Variants in MAPK10 observed in about 807,000 individuals in gnomAD.
The protein encoded by MAPK10 is JNK3 alpha protein kinase.
In MAPK10, 25 loss-of-function variants were observed where a neutral mutation model predicts 59.3. The ratio of observed to expected loss-of-function variants is 0.42; its 90% CI spans 0.31 to 0.59. The LOEUF (loss-of-function observed/expected upper bound fraction) is 0.59. Ranked by LOEUF, MAPK10 falls within the 20% of genes least tolerant of loss-of-function variation. The pLI, the probability that MAPK10 is intolerant of heterozygous loss-of-function variation, is 0.15. For missense variants in MAPK10, 351 were observed against 568.9 expected, an observed-to-expected ratio of 0.62 and a Z score of 3.90; for synonymous variants, 190 against 200.5, an observed-to-expected ratio of 0.95 and a Z score of 0.44.
At chr4:86,527,055 T>TC in intron 1 of MAPK10, among the ~76,000 whole-genome samples, 1 of 152,176 alleles carries the variant, frequency 6.6e-6, no homozygotes, top group South Asian at 2.1e-4. Context: ...ATGCCTATAG[T>TC]CCCAGCATTT....
At chr4:86,209,380 A>G (rs1384788861) in intron 2 of MAPK10, among the ~76,000 whole-genome samples, 2 of 152,132 alleles carry the variant, frequency 1.3e-5, no homozygotes, top group Non-Finnish European at 2.9e-5. Context: ...CTCCCTACCT[A>G]GACAACAATT....
intron 2 of MAPK10, among the ~76,000 whole-genome samples, chr4:86,229,620 A>G (rs925506222): frequency 1.4e-4 from 22 of 152,188 alleles, no homozygotes; most frequent in African/African-American, 5.3e-4. Context: ...ATGCAGGAAA[A>G]CAACTGGCTT....
chr4:86,034,528 A>T (rs1227892750), intron 11 of MAPK10, among the ~76,000 whole-genome samples: 1 of 152,220 alleles, frequency 6.6e-6, no homozygotes, highest in African/African-American at 2.4e-5. Context: ...TTATTTCTTT[A>T]TTAAATGTAT....
At chr4:86,420,593 G>T (rs1746397995) in intron 1 of MAPK10, among the ~76,000 whole-genome samples, 1 of 152,024 alleles carries the variant, frequency 6.6e-6, no homozygotes, top group Non-Finnish European at 1.5e-5. Flanking sequence ...TTTGAGACAA[G>T]CCTGTGCAGT....
At chr4:86,346,733 GAAAA>G (rs3030114) in intron 2 of MAPK10, among the ~76,000 whole-genome samples, 28,333 of 138,450 alleles carry the variant, frequency 0.2, 2,920 homozygotes, top group African/African-American at 0.3. Flanking sequence ...AGTTTGTTTG[GAAAA>G]AAAAAAAAAA....
At chr4:86,320,361 G>A (rs898165532) in intron 2 of MAPK10, among the ~76,000 whole-genome samples, 1 of 152,166 alleles carries the variant, frequency 6.6e-6, no homozygotes, top group Non-Finnish European at 1.5e-5. Context: ...CTTAATGAGA[G>A]CCTGCAGTGA....
chr4:86,359,534 C>A (rs1314094647), intron 1 of MAPK10, 124 bp downstream of exon 1: 4 of 269,068 alleles, frequency 1.5e-5, no homozygotes, highest in Non-Finnish European at 2.3e-5. Context: ...GATTAACCTG[C>A]TTTCCACCCC....
chr4:86,529,365 T>C (rs1160768653), intron 1 of MAPK10, among the ~76,000 whole-genome samples: 1 of 152,160 alleles, frequency 6.6e-6, no homozygotes, highest in African/African-American at 2.4e-5. Context: ...TGCAGGCATG[T>C]GAGGACTTTA....
At chr4:86,228,985 C>T (rs1022537965) in intron 2 of MAPK10, among the ~76,000 whole-genome samples, 1 of 152,112 alleles carries the variant, frequency 6.6e-6, no homozygotes, top group African/African-American at 2.4e-5. Flanking sequence ...CTACAAGTCT[C>T]TAAATGTATC....
At chr4:86,534,625 G>A (rs932125100) in intron 1 of MAPK10, among the ~76,000 whole-genome samples, 5 of 152,040 alleles carry the variant, frequency 3.3e-5, no homozygotes, top group African/African-American at 9.7e-5. Context: ...CAAAAATCAG[G>A]CCATGAGTCA....
rs1413725847 is a variant in MAPK10 at position 86,172,029 on chromosome 4, A to G, written c.67-12562T>C. Among the ~76,000 whole-genome samples, 30 of 141,644 alleles carry G rather than the reference A, an allele frequency of 2.1e-4. No individual in the cohort carries two copies. In the Middle Eastern group the frequency reaches 0.01, roughly 49 times the overall value. The allele number at this position is 141,644 out of a possible 152,430, so 92.9% of individuals were successfully genotyped here. On this transcript the variant is annotated intron_variant, in intron 3 of 13. Transcript: ENST00000641462. Reference sequence around the variant, plus strand: ...CAAATCAAAACCACAATGAGATACCATCTCACACCAGTTAGAATGGCAATC... The same window carrying G: ...CAAATCAAAACCACAATGAGATACCGTCTCACACCAGTTAGAATGGCAATC...
chr4:86,011,082 G>A lies in MAPK10; in HGVS notation c.*6146C>T, dbSNP rs1290515475. ...TGACATAAGGTAGAAAATTTCAAAG[G>A]AGTGTTTGACTTGTTGCTGGATGTG... On this transcript the variant is annotated 3_prime_UTR_variant, in exon 14 of 14. Coordinates refer to ENST00000641462, the MANE Select transcript of MAPK10 (RefSeq NM_138982.4). 6.6e-6 allele frequency: 1 copy of A among 152,192 alleles called. No individual in the cohort carries two copies. Among genetic ancestry groups the A allele is most frequent in the Non-Finnish European group, 1.5e-5 (1 of 68,034 alleles). The allele number at this position is 152,192 out of a possible 1,614,324, so 9.4% of individuals were successfully genotyped here. A position where few individuals can be genotyped will look rare whatever the true frequency, so the allele number is the denominator to read the frequency against.
intron 2 of MAPK10, among the ~76,000 whole-genome samples, chr4:86,265,075 G>A (rs1285445711): frequency 6.6e-6 from 1 of 151,754 alleles, no homozygotes; most frequent in African/African-American, 2.4e-5. Context: ...ATTTTTGGTA[G>A]AGACAGGGTT....
chr4:86,104,605 C>T (rs2056205522), intron 5 of MAPK10, among the ~76,000 whole-genome samples: 1 of 152,040 alleles, frequency 6.6e-6, no homozygotes. Context: ...GTATACAGCA[C>T]ACATTACATC....
At chr4:86,518,807 G>A (rs1048023085) in intron 1 of MAPK10, among the ~76,000 whole-genome samples, 43 of 151,918 alleles carry the variant, frequency 2.8e-4, no homozygotes, top group African/African-American at 9.9e-4. Context: ...GTTTTGATAG[G>A]CTGTGTCACT....
At chr4:86,334,030 C>T (rs1564473564) in intron 2 of MAPK10, among the ~76,000 whole-genome samples, 1 of 152,142 alleles carries the variant, frequency 6.6e-6, no homozygotes, top group Non-Finnish European at 1.5e-5. Context: ...ACCATAACCT[C>T]CAGCCCATGC....
intron 2 of MAPK10, among the ~76,000 whole-genome samples, chr4:86,323,876 A>T (rs2095958952): frequency 6.6e-6 from 1 of 152,272 alleles, no homozygotes; most frequent in Non-Finnish European, 1.5e-5. Flanking sequence ...TCTACTTACA[A>T]GAAATTCAAG....
chr4:86,421,031 G>A (rs768163134), intron 1 of MAPK10, among the ~76,000 whole-genome samples: 15 of 151,868 alleles, frequency 9.9e-5, no homozygotes, highest in Non-Finnish European at 1.3e-4. Context: ...GCAGTGAGCC[G>A]AGAGCATGCC....
At chr4:86,174,241 T>C (rs1047278592) in intron 3 of MAPK10, among the ~76,000 whole-genome samples, 1 of 152,154 alleles carries the variant, frequency 6.6e-6, no homozygotes, top group Non-Finnish European at 1.5e-5. Flanking sequence ...AATAATAGAC[T>C]GGATAAAGAA....
Sources: allele counts gnomAD v4.1 joint callset (sites outside exome capture counted in the v4.1 genomes callset), GRCh38; gene constraint gnomAD v4.1.1; transcripts MANE v1.5; gene names NCBI Gene and HGNC (gene_info 2026-07-23, HGNC 2026-07-21).